INPP4B: variants seen among roughly 807,000 people sequenced by gnomAD.
INPP4B encodes the protein inositol polyphosphate 4-phosphatase type II.
Under a neutral mutation model 122.5 loss-of-function variants are expected in INPP4B, and 55 were observed. That is an observed-to-expected ratio of 0.45 (90% confidence interval 0.36 to 0.56). INPP4B has a LOEUF of 0.56. INPP4B is among the 20% of genes least tolerant of loss of function. The pLI, the probability that INPP4B is intolerant of heterozygous loss-of-function variation, is 0.00. For missense variants in INPP4B, 1,000 were observed against 1,097.7 expected (o/e 0.91, Z 1.26); for synonymous variants, 403 against 388.7 (o/e 1.04, Z -0.43).
intron 2 of INPP4B, among the ~76,000 whole-genome samples, chr4:142,657,927 C>A (rs377607892): frequency 6.6e-6 from 1 of 152,054 alleles, no homozygotes; most frequent in East Asian, 1.9e-4. Flanking sequence ...TTCGGAAGGC[C>A]CCTGAAGTGT....
chr4:142,221,382 T>A, intron 12 of INPP4B, among the ~76,000 whole-genome samples: 2 of 88,026 alleles, frequency 2.3e-5, no homozygotes, highest in African/African-American at 4.7e-5. Flanking sequence ...AGAGCAAGAC[T>A]CCTTCTCAAA....
At chr4:142,317,924 G>A (rs1478430033) in intron 7 of INPP4B, among the ~76,000 whole-genome samples, 1 of 152,162 alleles carries the variant, frequency 6.6e-6, no homozygotes, top group Non-Finnish European at 1.5e-5. Flanking sequence ...GTAGAGGGCT[G>A]TCTCCCATGT....
At chr4:142,586,990 T>C (rs1387144937) in intron 2 of INPP4B, among the ~76,000 whole-genome samples, 3 of 152,120 alleles carry the variant, frequency 2.0e-5, no homozygotes, top group African/African-American at 7.2e-5. Context: ...TATTGAGAAC[T>C]GAGGCCAGAG....
chr4:142,648,181 A>C (rs1580614266), intron 2 of INPP4B, among the ~76,000 whole-genome samples: 1 of 152,392 alleles, frequency 6.6e-6, no homozygotes, highest in South Asian at 2.1e-4. Flanking sequence ...ATAGGTTAGC[A>C]GAAAAATATG....
At chr4:142,844,219 T>A (rs1469974076) in intron 1 of INPP4B, among the ~76,000 whole-genome samples, 3 of 152,192 alleles carry the variant, frequency 2.0e-5, no homozygotes, top group Non-Finnish European at 4.4e-5. Flanking sequence ...GTTCTTACAC[T>A]TTATAAAGAG....
intron 16 of INPP4B, among the ~76,000 whole-genome samples, chr4:142,166,679 TA>T (rs1822895340): frequency 6.6e-6 from 1 of 150,686 alleles, no homozygotes. Context: ...ACAAGGAACT[TA>T]AACAAATTTA....
At chr4:142,041,027 T>G (rs1747132835) in intron 25 of INPP4B, among the ~76,000 whole-genome samples, 1 of 152,144 alleles carries the variant, frequency 6.6e-6, no homozygotes, top group Admixed American at 6.6e-5. Context: ...GAGAAGGCAG[T>G]CTGACTCCAG....
intron 9 of INPP4B, among the ~76,000 whole-genome samples, chr4:142,271,373 A>C (rs1579542831): frequency 6.6e-6 from 1 of 152,218 alleles, no homozygotes; most frequent in Non-Finnish European, 1.5e-5. Context: ...TGTGTCATAG[A>C]TCAATACCCC....
At chr4:142,097,910 A>C (rs1300604808) in intron 23 of INPP4B, among the ~76,000 whole-genome samples, 1 of 152,180 alleles carries the variant, frequency 6.6e-6, no homozygotes, top group Non-Finnish European at 1.5e-5. Flanking sequence ...AATGGAATAG[A>C]AACAACGTGC....
At chr4:142,586,565 T>C (rs10010772) in intron 2 of INPP4B, among the ~76,000 whole-genome samples, 2,149 of 152,276 alleles carry the variant, frequency 0.014, 41 homozygotes, top group African/African-American at 0.041. Context: ...ACATTCTGTT[T>C]CATTAACAAG....
intron 12 of INPP4B, among the ~76,000 whole-genome samples, chr4:142,229,159 A>T (rs1852992161): frequency 6.6e-6 from 1 of 151,444 alleles, no homozygotes; most frequent in African/African-American, 2.4e-5. Context: ...AATATGTTTA[A>T]TATATATTGA....
intron 2 of INPP4B, among the ~76,000 whole-genome samples, chr4:142,543,328 C>A (rs1829154954): frequency 6.6e-6 from 1 of 152,144 alleles, no homozygotes; most frequent in Non-Finnish European, 1.5e-5. Context: ...TTCTTAGCTA[C>A]TGCACATTTG....
chr4:142,747,940 G>A (rs1279434865), intron 1 of INPP4B, among the ~76,000 whole-genome samples: 1 of 152,038 alleles, frequency 6.6e-6, no homozygotes, highest in African/African-American at 2.4e-5. Context: ...TTGATAGGGT[G>A]TAGCAAACCA....
chr4:142,712,922 T>A (rs576312222), intron 2 of INPP4B, among the ~76,000 whole-genome samples: 7 of 152,188 alleles, frequency 4.6e-5, no homozygotes, highest in Admixed American at 4.6e-4. Flanking sequence ...ATAACAAACA[T>A]GTCCAGGCTC....
intron 2 of INPP4B, among the ~76,000 whole-genome samples, chr4:142,710,731 T>C (rs1343682240): frequency 6.6e-6 from 1 of 152,226 alleles, no homozygotes; most frequent in Non-Finnish European, 1.5e-5. Context: ...CCACTAAAAC[T>C]ATTCTTGAAA....
chr4:142,246,033 CGTGTGTGTATACACACATTATATATATGT>C (rs769150850), intron 11 of INPP4B, among the ~76,000 whole-genome samples: 2,880 of 126,706 alleles, frequency 0.023, 64 homozygotes, highest in Non-Finnish European at 0.035. Flanking sequence ...TGTACACACA[CGTGTGTGTATACACACATTATATATATGT>C]GTGTGTGTAT....
chr4:142,827,759 G>A (rs1781622980), intron 1 of INPP4B, among the ~76,000 whole-genome samples: 1 of 152,126 alleles, frequency 6.6e-6, no homozygotes, highest in African/African-American at 2.4e-5. Flanking sequence ...TTTCTGTTGA[G>A]ACACGTTAAT....
Position 142,771,870 on chromosome 4 carries a change from A to T in INPP4B, c.-253-45969T>A, listed in dbSNP as rs371736199. ...CAGAATTTGAAGGCTGAGTTCAAAG[A>T]GCTAAAATAATGAAGTTAGTCTTCA... On this transcript the variant is annotated intron_variant, in intron 1 of 25. Coordinates refer to ENST00000262992, the MANE Select transcript of INPP4B (RefSeq NM_001101669.3). 4.6e-5 allele frequency among the ~76,000 whole-genome samples: 7 copies of T among 152,208 alleles called. No individual in the cohort carries two copies. In the East Asian group the frequency reaches 1.3e-3, roughly 29 times the overall value.
Position 142,353,936 on chromosome 4 carries a change from A to C in INPP4B, c.373-39174T>G, listed in dbSNP as rs1013977368. Among the ~76,000 whole-genome samples the C allele has an allele frequency of 4.6e-5, 7 of 151,726 alleles. No individual in the cohort carries two copies. In the East Asian group the frequency reaches 1.4e-3, roughly 30 times the overall value. ...AAAATTCTATGAGTTTTTATCTTCA[A>C]CAATTTTTTCCCAATGCTAAATGAA... On this transcript the variant is annotated intron_variant, in intron 7 of 25. Transcript: ENST00000262992.
Sources: allele counts gnomAD v4.1 joint callset (sites outside exome capture counted in the v4.1 genomes callset), GRCh38; gene constraint gnomAD v4.1.1; transcripts MANE v1.5; gene names NCBI Gene and HGNC (gene_info 2026-07-23, HGNC 2026-07-21).